Variants in CCSER1 observed in about 807,000 individuals in gnomAD.
CCSER1 encodes serine-rich coiled-coil domain-containing protein 1.
A neutral mutation model predicts 82.0 loss-of-function variants in CCSER1; 41 were observed. That is an observed-to-expected ratio of 0.50 (90% CI 0.39 to 0.65). The LOEUF (loss-of-function observed/expected upper bound fraction) is 0.65. Ranked by LOEUF, CCSER1 falls within the 30% of genes least tolerant of loss-of-function variation. CCSER1 has a pLI of 0.00. For synonymous variants in CCSER1, 414 were observed against 383.9 expected, an observed-to-expected ratio of 1.08 and a Z score of -0.92; for missense variants, 1,119 against 1,064.2, an observed-to-expected ratio of 1.05 and a Z score of -0.72.
At chr4:90,282,807 G>A (rs916465732) in intron 1 of CCSER1, among the ~76,000 whole-genome samples, 1 of 151,870 alleles carries the variant, frequency 6.6e-6, no homozygotes, top group Non-Finnish European at 1.5e-5. Context: ...CATTTATGGA[G>A]GACCTTTATT....
chr4:90,554,931 T>C (rs1355511641), intron 5 of CCSER1, among the ~76,000 whole-genome samples: 1 of 152,214 alleles, frequency 6.6e-6, no homozygotes, highest in Non-Finnish European at 1.5e-5. Flanking sequence ...AAATATTTTC[T>C]TGAATCTGGC....
intron 10 of CCSER1, among the ~76,000 whole-genome samples, chr4:91,149,982 G>A (rs1729987911): frequency 6.6e-6 from 1 of 152,094 alleles, no homozygotes; most frequent in Non-Finnish European, 1.5e-5. Context: ...GGTTCCATGT[G>A]AACTTTAAAG....
intron 10 of CCSER1, among the ~76,000 whole-genome samples, chr4:91,470,578 C>G (rs1757220333): frequency 6.6e-6 from 1 of 152,130 alleles, no homozygotes; most frequent in Admixed American, 6.6e-5. Flanking sequence ...GGATTACAGA[C>G]ATGAGCCACA....
In CCSER1 at chr4:90,418,262, A is replaced by T. The variant is rs556677676; in HGVS notation, c.1603+18133A>T. Among the ~76,000 whole-genome samples, 8 of 152,250 alleles carry T rather than the reference A, an allele frequency of 5.3e-5. No individual in the cohort carries two copies. In the East Asian group the frequency reaches 5.8e-4, roughly 11 times the overall value. On this transcript the variant is annotated intron_variant, in intron 4 of 10. Coordinates refer to ENST00000509176, the MANE Select transcript of CCSER1 (RefSeq NM_001145065.2). Reference sequence around the variant, plus strand: ...TAAGAACTACTGCTAATACCATTTTAAAAATATGCATGTAAAATGTGATAT... The same window carrying T: ...TAAGAACTACTGCTAATACCATTTTTAAAATATGCATGTAAAATGTGATAT...
At chr4:90,159,719 G>A (rs938332876) in intron 1 of CCSER1, among the ~76,000 whole-genome samples, 2 of 152,106 alleles carry the variant, frequency 1.3e-5, no homozygotes, top group South Asian at 2.1e-4. Context: ...CCTAGTTTTC[G>A]TGTCTAGTTC....
intron 8 of CCSER1, among the ~76,000 whole-genome samples, chr4:90,866,084 C>T (rs1377914): frequency 0.17 from 25,906 of 151,648 alleles, 2,806 homozygotes; most frequent in East Asian, 0.33. Context: ...CCTCATGATT[C>T]GATTACCTCC....
intron 6 of CCSER1, among the ~76,000 whole-genome samples, chr4:90,714,411 G>C (rs1741246261): frequency 6.6e-6 from 1 of 151,896 alleles, no homozygotes; most frequent in African/African-American, 2.4e-5. Flanking sequence ...AATAAAACTA[G>C]AAAACAATTC....
At chr4:90,895,512 A>G (rs1315074921) in intron 8 of CCSER1, among the ~76,000 whole-genome samples, 1 of 151,978 alleles carries the variant, frequency 6.6e-6, no homozygotes, top group Non-Finnish European at 1.5e-5. Context: ...TCTTTCAAAA[A>G]GAATAAAAAT....
Position 91,522,311 on chromosome 4 carries a change from G to A in CCSER1, c.2218-76261G>A, listed in dbSNP as rs549132557. 3.9e-5 allele frequency among the ~76,000 whole-genome samples: 6 copies of A among 152,128 alleles called. No individual in the cohort carries two copies. The South Asian group carries it at 6.2e-4, about 16-fold the overall frequency. On this transcript the variant is annotated intron_variant, in intron 10 of 10. Transcript: ENST00000509176. ...GTAGTATAGTTTGAAGTCAGGTAGC[G>A]TGATGCCTCAGCTTTGTTCTTTTTG... is the stretch of plus-strand genomic sequence containing the variant.
intron 10 of CCSER1, among the ~76,000 whole-genome samples, chr4:91,227,749 A>T (rs1738318662): frequency 6.6e-6 from 1 of 151,750 alleles, no homozygotes; most frequent in East Asian, 1.9e-4. Context: ...GGTCTCACTT[A>T]TATGTGAAAA....
chr4:90,820,745 A>T lies in CCSER1; in HGVS notation c.2094+4900A>T, dbSNP rs950741251. Among the ~76,000 whole-genome samples the T allele has an allele frequency of 5.0e-4, 75 of 151,056 alleles. 1 individual carries two copies. The highest frequency in any genetic ancestry group is 1.6e-4 in the Non-Finnish European group (11 of 67,790). On this transcript the variant is annotated intron_variant, in intron 8 of 10. Transcript: ENST00000509176. ...TATATAACTGTATTATATATTATAT[A>T]TATTTTTATAGCTATGTTGCTTATA...
chr4:90,910,502 G>C (rs994284669), intron 8 of CCSER1, among the ~76,000 whole-genome samples: 46 of 152,040 alleles, frequency 3.0e-4, no homozygotes, highest in African/African-American at 1.0e-3. Context: ...TTTTTAGTTT[G>C]TACAATCTCT....
At chr4:90,864,544 G>T (rs1449617755) in intron 8 of CCSER1, among the ~76,000 whole-genome samples, 5 of 152,030 alleles carry the variant, frequency 3.3e-5, no homozygotes, top group Middle Eastern at 3.4e-3. Flanking sequence ...TCATCATAAG[G>T]TGTGGCCCCC....
chr4:91,020,213 C>T (rs1271400773), intron 9 of CCSER1, among the ~76,000 whole-genome samples: 1 of 152,140 alleles, frequency 6.6e-6, no homozygotes, highest in Non-Finnish European at 1.5e-5. Flanking sequence ...TCATGTAAAA[C>T]TGAAGTGATA....
At chr4:90,253,783 A>C (rs561502335) in intron 1 of CCSER1, among the ~76,000 whole-genome samples, 1 of 152,238 alleles carries the variant, frequency 6.6e-6, no homozygotes, top group South Asian at 2.1e-4. Context: ...TCAACTTCTC[A>C]AGAGATGACA....
At chr4:90,762,955 T>G (rs1357814071) in intron 7 of CCSER1, among the ~76,000 whole-genome samples, 1 of 151,730 alleles carries the variant, frequency 6.6e-6, no homozygotes, top group Non-Finnish European at 1.5e-5. Context: ...AGTGTGACAA[T>G]GGAAGCAGAG....
chr4:91,215,821 A>T (rs1207803995), intron 10 of CCSER1, among the ~76,000 whole-genome samples: 3 of 152,182 alleles, frequency 2.0e-5, no homozygotes, highest in Non-Finnish European at 4.4e-5. Flanking sequence ...GAAGAACCCA[A>T]TGATGATCTA....
chr4:91,032,116 C>A (rs4692958), intron 9 of CCSER1, among the ~76,000 whole-genome samples: 51,441 of 151,790 alleles, frequency 0.34, 10,518 homozygotes, highest in East Asian at 0.58. Context: ...CAAAAATGTG[C>A]TTTTTTGCAT....
At chr4:90,864,200 G>A (rs953784569) in intron 8 of CCSER1, among the ~76,000 whole-genome samples, 6 of 151,566 alleles carry the variant, frequency 4.0e-5, no homozygotes, top group African/African-American at 1.2e-4. Flanking sequence ...TCTAACCTGA[G>A]TGCTCTATGC....
Sources: allele counts gnomAD v4.1 joint callset (sites outside exome capture counted in the v4.1 genomes callset), GRCh38; gene constraint gnomAD v4.1.1; transcripts MANE v1.5; gene names NCBI Gene and HGNC (gene_info 2026-07-23, HGNC 2026-07-21).